SGCG: variants seen among roughly 807,000 people sequenced by gnomAD.
SGCG encodes gamma-sarcoglycan.
In SGCG, 26 loss-of-function variants were observed where a neutral mutation model predicts 29.3. That is an observed-to-expected ratio of 0.89 (90% CI 0.65 to 1.23). SGCG has a LOEUF of 1.23. SGCG is among the 50% of genes most tolerant of loss of function. The pLI is 0.00. For missense variants in SGCG, 353 were observed against 356.0 expected, an observed-to-expected ratio of 0.99 and a Z score of 0.07; for synonymous variants, 145 against 129.7, an observed-to-expected ratio of 1.12 and a Z score of -0.80.
At chr13:23,175,837 G>T in the SGCG span, among the ~76,000 whole-genome samples, 13 of 151,996 alleles carry the variant, frequency 8.6e-5, no homozygotes, top group African/African-American at 1.2e-4. Context: ...AATTATATTA[G>T]TTAAAATGTG....
At chr13:23,305,955 T>A (rs1882344903) in intron 6 of SGCG, among the ~76,000 whole-genome samples, 1 of 152,172 alleles carries the variant, frequency 6.6e-6, no homozygotes. Flanking sequence ...TACTGCAGCC[T>A]CCAGCTGCAG....
At chr13:23,181,886 GA>G (rs1309223433) in intron 1 of SGCG, among the ~76,000 whole-genome samples, 2 of 152,182 alleles carry the variant, frequency 1.3e-5, no homozygotes, top group Non-Finnish European at 2.9e-5. Context: ...ACGAACTACG[GA>G]ATACACCGTT....
rs577615528 is a variant in SGCG at position 23,240,892 on chromosome 13, G to A, written c.297+6180G>A. ...AAATTGGCCGGGTGCGGTGGCTCAC[G>A]CCTGTAATCCCAGCACTTTGGGAGG... On this transcript the variant is annotated intron_variant, in intron 3 of 7. Coordinates refer to ENST00000218867, the MANE Select transcript of SGCG (RefSeq NM_000231.3). Among the ~76,000 whole-genome samples, 36 of 152,160 alleles carry A rather than the reference G, an allele frequency of 2.4e-4. No homozygotes were observed. The South Asian group carries it at 7.3e-3, about 31-fold the overall frequency.
At chr13:23,236,903 T>A (rs1386525162) in intron 3 of SGCG, among the ~76,000 whole-genome samples, 1 of 152,204 alleles carries the variant, frequency 6.6e-6, no homozygotes, top group Admixed American at 6.5e-5. Context: ...GTTTTATAAC[T>A]AACATGGTTT....
chr13:23,270,109 C>T (rs368874308), intron 4 of SGCG, among the ~76,000 whole-genome samples: 18 of 152,076 alleles, frequency 1.2e-4, no homozygotes, highest in East Asian at 3.9e-4. Flanking sequence ...CTCTTGACCT[C>T]GTGATCCACC....
chr13:23,205,106 T>C (rs1288734689), intron 2 of SGCG, among the ~76,000 whole-genome samples: 1 of 152,012 alleles, frequency 6.6e-6, no homozygotes, highest in East Asian at 1.9e-4. Flanking sequence ...ACATGAACAA[T>C]TATATAAATA....
chr13:23,300,562 G>A (rs1882112452), intron 6 of SGCG, among the ~76,000 whole-genome samples: 1 of 152,050 alleles, frequency 6.6e-6, no homozygotes, highest in African/African-American at 2.4e-5. Flanking sequence ...TTTAGGCCAT[G>A]GGTTGAAAAA....
intron 6 of SGCG, among the ~76,000 whole-genome samples, chr13:23,308,876 A>G (rs1882452582): frequency 3.3e-5 from 5 of 152,128 alleles, no homozygotes; most frequent in Admixed American, 3.3e-4. Flanking sequence ...TTTTTCATGT[A>G]AATTTTAAAA....
intron 1 of SGCG, among the ~76,000 whole-genome samples, chr13:23,183,980 T>C (rs1876860435): frequency 6.6e-6 from 1 of 152,364 alleles, no homozygotes; most frequent in Admixed American, 6.5e-5. Context: ...TAAAATACTC[T>C]AAAATGTTAA....
chr13:23,225,835 G>A lies in SGCG; in HGVS notation c.196-8776G>A, dbSNP rs544302045. ...CCTACATACATCAACATTTATTTCT[G>A]TGCCTATCTATATATGTATAGAAAA... is the stretch of plus-strand genomic sequence containing the variant. On this transcript the variant is annotated intron_variant, in intron 2 of 7. Transcript: ENST00000218867. Among the ~76,000 whole-genome samples the A allele has an allele frequency of 1.3e-3, 201 of 149,016 alleles. 1 individual carries two copies. The highest frequency in any genetic ancestry group is 4.9e-3 in the African/African-American group (192 of 39,582).
rs73437092 is a variant in SGCG at position 23,204,130 on chromosome 13, C to T, written c.195+241C>T. Among the ~76,000 whole-genome samples, 275 of 151,060 alleles carry T rather than the reference C, an allele frequency of 1.8e-3. 2 individuals carry two copies. The highest frequency in any genetic ancestry group is 6.3e-3 in the African/African-American group (254 of 40,524). ...CTGTAATTTTTTTCATTAGTCATCTCGAAATAGTGGGAATATTGTAATAGT... is the reference window on the plus strand; with the variant it reads ...CTGTAATTTTTTTCATTAGTCATCTTGAAATAGTGGGAATATTGTAATAGT... On this transcript the variant is annotated intron_variant, in intron 2 of 7. Transcript: ENST00000218867.
At chr13:23,185,384 G>A (rs189147650) in intron 1 of SGCG, among the ~76,000 whole-genome samples, 13 of 152,260 alleles carry the variant, frequency 8.5e-5, no homozygotes, top group East Asian at 7.7e-4. Context: ...TAGAGACAGG[G>A]TTTCGTCATG....
chr13:23,193,520 G>A (rs1458978206), intron 1 of SGCG, among the ~76,000 whole-genome samples: 2 of 132,454 alleles, frequency 1.5e-5, no homozygotes, highest in Admixed American at 7.4e-5. Flanking sequence ...AAGTAGACGT[G>A]AGGTGGCAGA....
At chr13:23,279,579 A>T (rs1566028781) in intron 5 of SGCG, 101 bp downstream of exon 5, 3 of 1,227,896 alleles carry the variant, frequency 2.4e-6, no homozygotes, top group East Asian at 5.2e-5. Context: ...TCAAGCAGAT[A>T]AGAGAGTTTG....
intron 5 of SGCG, among the ~76,000 whole-genome samples, chr13:23,280,845 A>G (rs915634512): frequency 2.6e-5 from 4 of 152,228 alleles, no homozygotes; most frequent in Admixed American, 2.0e-4. Context: ...TGCAGGGAAA[A>G]TAGTCTAACA....
chr13:23,308,668 G>C (rs1882441839), intron 6 of SGCG, among the ~76,000 whole-genome samples: 1 of 151,980 alleles, frequency 6.6e-6, no homozygotes, highest in Admixed American at 6.6e-5. Context: ...GGGTTTAAGT[G>C]ATTCTCCCAC....
chr13:23,180,079 G>A (rs1262992607), upstream of SGCG, among the ~76,000 whole-genome samples: 1 of 152,018 alleles, frequency 6.6e-6, no homozygotes, highest in African/African-American at 2.4e-5. Flanking sequence ...CCATCTCTGT[G>A]TGCATGTATA....
intron 4 of SGCG, among the ~76,000 whole-genome samples, chr13:23,258,375 C>T (rs956078197): frequency 5.9e-5 from 9 of 151,626 alleles, no homozygotes; most frequent in Non-Finnish European, 2.9e-5. Flanking sequence ...TAGGGATGCT[C>T]GTGATTTTGG....
At chr13:23,260,014 T>C (rs1880363049) in intron 4 of SGCG, among the ~76,000 whole-genome samples, 1 of 152,204 alleles carries the variant, frequency 6.6e-6, no homozygotes, top group Non-Finnish European at 1.5e-5. Flanking sequence ...GAAGAATGTA[T>C]ATTCTGTTGA....
Sources: allele counts gnomAD v4.1 joint callset (sites outside exome capture counted in the v4.1 genomes callset), GRCh38; gene constraint gnomAD v4.1.1; transcripts MANE v1.5; gene names NCBI Gene and HGNC (gene_info 2026-07-23, HGNC 2026-07-21).